Variants in VWC2 observed in about 807,000 individuals in gnomAD.
The protein encoded by VWC2 is von Willebrand factor C domain containing 2.
VWC2 carries 14 observed loss-of-function variants against 29.8 expected under a neutral mutation model. The observed-to-expected ratio is 0.47, with a 90% CI of 0.31 to 0.74. VWC2 has a LOEUF of 0.74. Ranked by LOEUF, VWC2 falls within the 30% of genes least tolerant of loss-of-function variation. The pLI is 0.05. For missense variants in VWC2, 457 were observed against 459.8 expected (o/e 0.99, Z 0.05); for synonymous variants, 213 against 199.0 (o/e 1.07, Z -0.59).
intron 2 of VWC2, among the ~76,000 whole-genome samples, chr7:49,789,850 G>A (rs1227035880): frequency 6.6e-6 from 1 of 152,196 alleles, no homozygotes; most frequent in African/African-American, 2.4e-5. Flanking sequence ...AGATTTCAGC[G>A]TCACCCATGC....
At chr7:49,883,144 G>A (rs891510030) in intron 3 of VWC2, among the ~76,000 whole-genome samples, 1 of 152,070 alleles carries the variant, frequency 6.6e-6, no homozygotes, top group Admixed American at 6.6e-5. Context: ...GGAGGAAGGC[G>A]CAGGGAGCTG....
chr7:49,879,230 T>C (rs1233150720), intron 3 of VWC2, among the ~76,000 whole-genome samples: 1 of 152,222 alleles, frequency 6.6e-6, no homozygotes, highest in Non-Finnish European at 1.5e-5. Flanking sequence ...TTTTATCTTA[T>C]TGAATATAGT....
At chr7:49,901,283 G>A (rs1792709388) in intron 3 of VWC2, 1 of 151,738 alleles carries the variant, frequency 6.6e-6, no homozygotes, top group Admixed American at 6.6e-5. Context: ...AACTGTCTTT[G>A]TTTGCAGATG....
chr7:49,802,974 G>A (rs1317848068), intron 3 of VWC2, 134 bp downstream of exon 3: 5 of 1,105,884 alleles, frequency 4.5e-6, no homozygotes, highest in African/African-American at 1.6e-5. Flanking sequence ...GCGTACACAC[G>A]TGTGTAATCT....
At chr7:49,805,290 G>T (rs1026736019) in intron 3 of VWC2, among the ~76,000 whole-genome samples, 1 of 152,170 alleles carries the variant, frequency 6.6e-6, no homozygotes, top group Non-Finnish European at 1.5e-5. Flanking sequence ...GCAAGATTTT[G>T]TGGTGGCCCA....
intron 3 of VWC2, among the ~76,000 whole-genome samples, chr7:49,838,030 A>C (rs1583661658): frequency 1.3e-5 from 2 of 152,348 alleles, no homozygotes; most frequent in South Asian, 2.1e-4. Flanking sequence ...ATTCAAAGGG[A>C]AGTCAATGCT....
rs375118642 is a variant in VWC2 at position 49,798,772 on chromosome 7, G to A, written c.697-3939G>A. 1.3e-3 allele frequency among the ~76,000 whole-genome samples: 195 copies of A among 152,296 alleles called. 1 individual carries two copies. Among genetic ancestry groups the A allele is most frequent in the African/African-American group, 4.5e-3 (187 of 41,562 alleles). ...TTCCTCAGCTGGCTGCTGAGTTCAC[G>A]TGGGCATTGGGGTTTGTGTTTGTTT... is the stretch of plus-strand genomic sequence containing the variant. On this transcript the variant is annotated intron_variant, in intron 2 of 3. Coordinates refer to ENST00000340652, the MANE Select transcript of VWC2 (RefSeq NM_198570.5).
intron 3 of VWC2, among the ~76,000 whole-genome samples, chr7:49,846,780 T>C (rs1307329805): frequency 6.6e-6 from 1 of 152,222 alleles, no homozygotes; most frequent in African/African-American, 2.4e-5. Context: ...TAGGAATGCA[T>C]ACATTTTCCC....
chr7:49,837,400 A>G (rs544735312), intron 3 of VWC2, among the ~76,000 whole-genome samples: 15 of 152,342 alleles, frequency 9.8e-5, no homozygotes, highest in African/African-American at 3.4e-4. Flanking sequence ...TGATGTGCCT[A>G]CTGTGTCAGG....
At chr7:49,817,597 A>C (rs1487456026) in intron 3 of VWC2, among the ~76,000 whole-genome samples, 1 of 152,226 alleles carries the variant, frequency 6.6e-6, no homozygotes, top group Non-Finnish European at 1.5e-5. Flanking sequence ...CTCTTACACT[A>C]ACAGCAAAAC....
At chr7:49,804,166 T>G (rs1788814787) in intron 3 of VWC2, among the ~76,000 whole-genome samples, 1 of 151,516 alleles carries the variant, frequency 6.6e-6, no homozygotes, top group Non-Finnish European at 1.5e-5. Context: ...GAGTGTGTTT[T>G]TTTTTTAAAA....
intron 3 of VWC2, among the ~76,000 whole-genome samples, chr7:49,879,436 T>C (rs1161587718): frequency 6.6e-6 from 1 of 152,200 alleles, no homozygotes; most frequent in Non-Finnish European, 1.5e-5. Flanking sequence ...GGTTTATATG[T>C]GCAGGTACCA....
chr7:49,904,860 C>A (rs989692448), intron 3 of VWC2, among the ~76,000 whole-genome samples: 19 of 151,902 alleles, frequency 1.3e-4, no homozygotes, highest in Admixed American at 7.2e-4. Flanking sequence ...CTCAGCCTCC[C>A]AAGTAGCTTG....
At chr7:49,811,082 C>T (rs10274936) in intron 3 of VWC2, among the ~76,000 whole-genome samples, 46,790 of 152,010 alleles carry the variant, frequency 0.31, 7,717 homozygotes, top group Non-Finnish European at 0.37. Flanking sequence ...ATACAAGCCA[C>T]AAACTTTGAG....
chr7:49,907,562 A>G (rs1172857590), intron 3 of VWC2, among the ~76,000 whole-genome samples: 1 of 152,228 alleles, frequency 6.6e-6, no homozygotes, highest in African/African-American at 2.4e-5. Context: ...TGAGCCAAAT[A>G]TGAGTAACCA....
At chr7:49,895,963 G>T (rs1792365726) in intron 3 of VWC2, among the ~76,000 whole-genome samples, 1 of 151,952 alleles carries the variant, frequency 6.6e-6, no homozygotes, top group Non-Finnish European at 1.5e-5. Context: ...CATTCACCAG[G>T]TAGTCATGAG....
At chr7:49,775,174 T>C (rs1181933265) in intron 1 of VWC2, among the ~76,000 whole-genome samples, 159 bp from the exon 2 acceptor site, 1 of 152,150 alleles carries the variant, frequency 6.6e-6, no homozygotes, top group African/African-American at 2.4e-5. Flanking sequence ...GTTTGTGATG[T>C]CTAAGAACCC....
Position 49,851,562 on chromosome 7 carries a change from TAA to T in VWC2, c.826+48726_826+48727del, listed in dbSNP as rs377434221. On this transcript the variant is annotated intron_variant, in intron 3 of 3. Transcript: ENST00000340652. Reference sequence around the variant, plus strand: ...CCAGGCTCTGGGACCAACTCTGAAATAAAAAGTCTGCTACAGGCCAGGCGTGG... The same window carrying T: ...CCAGGCTCTGGGACCAACTCTGAAATAAAGTCTGCTACAGGCCAGGCGTGG... 5.3e-4 allele frequency among the ~76,000 whole-genome samples: 81 copies of T among 152,258 alleles called. No individual in the cohort carries two copies. The East Asian group carries it at 6.4e-3, about 12-fold the overall frequency.
At chr7:49,847,441 C>T (rs1315214572) in intron 3 of VWC2, among the ~76,000 whole-genome samples, 15 of 152,016 alleles carry the variant, frequency 9.9e-5, no homozygotes, top group Non-Finnish European at 2.1e-4. Context: ...GCAGGGATCC[C>T]TGACCATTAT....
Sources: allele counts gnomAD v4.1 joint callset (sites outside exome capture counted in the v4.1 genomes callset), GRCh38; gene constraint gnomAD v4.1.1; transcripts MANE v1.5; gene names NCBI Gene and HGNC (gene_info 2026-07-23, HGNC 2026-07-21).